Variants in ATR observed in about 807,000 individuals in gnomAD.
ATR encodes serine/threonine-protein kinase ATR.
Under a neutral mutation model 305.3 loss-of-function variants are expected in ATR, and 142 were observed. That is an observed-to-expected ratio of 0.47 (90% CI 0.41 to 0.53). The LOEUF (loss-of-function observed/expected upper bound fraction) is 0.53, where lower values mean the gene tolerates loss of function less well. Among genes scored for constraint, ATR ranks in the 20% least tolerant of loss-of-function variants. The pLI is 0.00. For missense variants in ATR, 2,135 were observed against 3,133.1 expected (o/e 0.68, Z 7.60); for synonymous variants, 1,050 against 1,068.1 (o/e 0.98, Z 0.33).
intron 29 of ATR, 30 bp downstream of exon 29, chr3:142,505,109 A>AT (rs2032170625): frequency 6.2e-7 from 1 of 1,612,932 alleles, no homozygotes; most frequent in Non-Finnish European, 8.5e-7. Context: ...GGCTATTTTC[A>AT]TTACAGTTGC....
rs370066757 is a variant in ATR, at chr3:142,519,794, C to T, written c.4267-10G>A. ...AAATAGAAAGCAACTCCTACAAATA[C>T]ATATTTTACATTTGTAAGTCCACAG... is the stretch of plus-strand genomic sequence containing the variant. On this transcript the variant is annotated splice_polypyrimidine_tract_variant and intron_variant, in intron 23 of 46. Transcript: ENST00000350721. 43 of 1,546,508 alleles carry T rather than the reference C, an allele frequency of 2.8e-5. No homozygotes were observed. In the African/African-American group the frequency reaches 5.2e-4, roughly 19 times the overall value.
At chr3:142,511,025 C>T (rs1338471908) in intron 27 of ATR, among the ~76,000 whole-genome samples, 1 of 152,014 alleles carries the variant, frequency 6.6e-6, no homozygotes, top group Non-Finnish European at 1.5e-5. Flanking sequence ...ATCTGGACAG[C>T]TGGCTAGATA....
chr3:142,573,650 T>A (rs1381494990), intron 1 of ATR, among the ~76,000 whole-genome samples: 1 of 152,154 alleles, frequency 6.6e-6, no homozygotes, highest in Non-Finnish European at 1.5e-5. Flanking sequence ...GGTAGCCACA[T>A]TAAGAAAAGA....
chr3:142,504,363 T>C (rs1057149430), intron 29 of ATR, among the ~76,000 whole-genome samples: 2 of 152,206 alleles, frequency 1.3e-5, no homozygotes, highest in African/African-American at 2.4e-5. Context: ...ATTATATACA[T>C]TTTAGAGTTA....
intron 21 of ATR, among the ~76,000 whole-genome samples, chr3:142,527,201 C>T (rs933037804): frequency 2.6e-5 from 4 of 151,908 alleles, no homozygotes; most frequent in Non-Finnish European, 4.4e-5. Context: ...TATCTTTTTT[C>T]GGTCTACTGA....
chr3:142,547,917 CAA>C lies in ATR; in HGVS notation c.3172-9_3172-8del. ...GTTCAATTTCTGTTTCATTCTAACC[CAA>C]AGACATGTTAAAAAAAATTTTTTTC... On this transcript the variant is annotated splice_polypyrimidine_tract_variant and splice_region_variant and intron_variant, in intron 15 of 46. Transcript: ENST00000350721. The C allele has an allele frequency of 1.2e-6, 2 of 1,613,592 alleles. No individual in the cohort carries two copies. Among genetic ancestry groups the C allele is most frequent in the Non-Finnish European group, 1.7e-6 (2 of 1,179,824 alleles).
intron 15 of ATR, among the ~76,000 whole-genome samples, chr3:142,548,606 T>G (rs1355406354): frequency 6.6e-6 from 1 of 151,376 alleles, no homozygotes; most frequent in East Asian, 1.9e-4. Context: ...GAGGTGGAGG[T>G]TGCAGTGAGC....
rs369394238 is a variant in ATR, at chr3:142,506,574, C to T, written c.5032-1271G>A. Among the ~76,000 whole-genome samples, 16 of 152,092 alleles carry T rather than the reference C, an allele frequency of 1.1e-4. 1 individual carries two copies. The East Asian group carries it at 1.2e-3, about 11-fold the overall frequency. On this transcript the variant is annotated intron_variant, in intron 28 of 46. Coordinates refer to ENST00000350721, the MANE Select transcript of ATR (RefSeq NM_001184.4). ...GTGGTAGCAGCGCCTGTGGTCCCAG[C>T]TGCTCGGGAGGCTGAGGTGTGAGGA...
intron 2 of ATR, among the ~76,000 whole-genome samples, chr3:142,567,071 T>C (rs1372268481): frequency 6.6e-6 from 1 of 152,176 alleles, no homozygotes; most frequent in Non-Finnish European, 1.5e-5. Flanking sequence ...TAATTTTAAA[T>C]GTTTAAAAAT....
At chr3:142,516,514 A>G (rs1389719348) in intron 24 of ATR, among the ~76,000 whole-genome samples, 1 of 152,094 alleles carries the variant, frequency 6.6e-6, no homozygotes, top group Admixed American at 6.6e-5. Flanking sequence ...TCCAGTGATT[A>G]TTTCAAACCA....
intron 45 of ATR, among the ~76,000 whole-genome samples, chr3:142,453,799 C>T (rs1406688570): frequency 6.6e-6 from 1 of 152,182 alleles, no homozygotes; most frequent in Non-Finnish European, 1.5e-5. Flanking sequence ...ATCCTCACCC[C>T]GTCTTCCTCT....
intron 36 of ATR, among the ~76,000 whole-genome samples, chr3:142,478,553 G>C (rs571836285): frequency 3.4e-4 from 52 of 152,282 alleles, no homozygotes; most frequent in African/African-American, 1.2e-3. Flanking sequence ...GTGCTGAGAA[G>C]AATGTATATT....
At chr3:142,459,856 GT>G (rs1406494976) in intron 42 of ATR, among the ~76,000 whole-genome samples, 2 of 151,992 alleles carry the variant, frequency 1.3e-5, no homozygotes, top group African/African-American at 4.8e-5. Context: ...ATTAATGTCA[GT>G]TAAAACCAGT....
At chr3:142,568,631 G>A (rs954855127) in intron 1 of ATR, among the ~76,000 whole-genome samples, 34 of 152,192 alleles carry the variant, frequency 2.2e-4, no homozygotes, top group Admixed American at 1.0e-3. Context: ...CCTGGGTGCA[G>A]CTGCAGCCGC....
intron 17 of ATR, among the ~76,000 whole-genome samples, chr3:142,542,279 G>A (rs577003166): frequency 3.9e-5 from 6 of 152,248 alleles, no homozygotes; most frequent in South Asian, 2.1e-4. Context: ...TTGTGATGAC[G>A]TGAGCTTGAA....
intron 26 of ATR, among the ~76,000 whole-genome samples, chr3:142,512,983 A>G (rs192944835): frequency 1.6e-3 from 242 of 152,342 alleles, no homozygotes; most frequent in African/African-American, 5.7e-3. Context: ...TAAAAATTTT[A>G]AAATATTCTA....
chr3:142,517,120 C>T (rs986248860), intron 24 of ATR, among the ~76,000 whole-genome samples: 2 of 151,142 alleles, frequency 1.3e-5, no homozygotes, highest in African/African-American at 2.4e-5. Context: ...AATCATCACG[C>T]GTATAGTTCT....
At chr3:142,471,884 C>T (rs374715446) in intron 36 of ATR, among the ~76,000 whole-genome samples, 1 of 152,222 alleles carries the variant, frequency 6.6e-6, no homozygotes, top group South Asian at 2.1e-4. Flanking sequence ...CTCCCCAACT[C>T]CTCACTACTC....
Position 142,497,159 on chromosome 3 carries a change from G to C in ATR, c.5592C>G (p.Ile1864Met), listed in dbSNP as rs2108336710. ...LHMLCELEHS[I>M]KPLFQHSPGD... is the part of the protein sequence containing the mutation. ...CTGGAGAATGCTGGAAAAGTGGTTT[G>C]ATGCTATGCTCCAACTCACATAACA... Residue 1864 changes from isoleucine to methionine, a missense_variant, in exon 33 of 47, where the codon ATC becomes ATG. Ile to Met is a conservative substitution (Grantham distance 10). This residue lies in a region of ATR where 117 missense variants were observed against 198.3 expected (regional missense o/e 0.59). Transcript: ENST00000350721. 1 of 1,614,038 alleles carries C rather than the reference G, an allele frequency of 6.2e-7. No individual in the cohort carries two copies. Among genetic ancestry groups the C allele is most frequent in the East Asian group, 2.2e-5 (1 of 44,874 alleles).
Sources: gnomAD v4.1 joint callset for allele counts (sites outside exome capture counted in the v4.1 genomes callset) on GRCh38, gnomAD v4.1.1 for gene constraint, gnomAD v4.1.1 regional missense constraint, MANE v1.5 for transcripts, NCBI Gene and HGNC (gene_info 2026-07-23, HGNC 2026-07-21) for gene names.